Variants in NEXN observed in about 807,000 individuals in gnomAD.
The protein encoded by NEXN is nexilin F-actin binding protein.
In NEXN, 65 loss-of-function variants were observed where a neutral mutation model predicts 92.6. That is an observed-to-expected ratio of 0.70 (90% CI 0.57 to 0.86). The LOEUF is 0.86. Ranked by LOEUF, NEXN falls within the 40% of genes least tolerant of loss-of-function variation. The probability of loss-of-function intolerance (pLI) is 0.00; values close to 1 mark genes in which losing one functional copy is unlikely to be tolerated. For missense variants in NEXN, 778 were observed against 771.1 expected (o/e 1.01, Z -0.11); for synonymous variants, 254 against 242.5 (o/e 1.05, Z -0.44).
chr1:77,915,461 C>G (rs1324264513), intron 1 of NEXN, among the ~76,000 whole-genome samples: 1 of 152,026 alleles, frequency 6.6e-6, no homozygotes, highest in African/African-American at 2.4e-5. Context: ...AACCCCGTCT[C>G]TACTAAAAAT....
At chr1:77,930,654 GCT>G (rs140620115) in intron 9 of NEXN, among the ~76,000 whole-genome samples, 4,147 of 152,244 alleles carry the variant, frequency 0.027, 97 homozygotes, top group South Asian at 0.11. Context: ...TCCTGAATCT[GCT>G]CTTTGTTCCA....
In NEXN at chr1:77,942,281, TA is replaced by T. The variant is rs951788502; in HGVS notation, c.1659+80del. 2.8e-5 allele frequency: 43 copies of T among 1,514,060 alleles called. No homozygotes were observed. In the African/African-American group the frequency reaches 5.3e-4, roughly 19 times the overall value. The allele number at this position is 1,514,060 out of a possible 1,614,324, so 93.8% of individuals were successfully genotyped here. A position where few individuals can be genotyped will look rare whatever the true frequency, so the allele number is the denominator to read the frequency against. On this transcript the variant is annotated intron_variant, in intron 12 of 12. Coordinates refer to ENST00000334785, the MANE Select transcript of NEXN (RefSeq NM_144573.4). ...CCCATAGTTTTATAATTAGGTAGGTTAAAAAAATGTTTTAATGGTTTTCTTT... is the reference window on the plus strand; with the variant it reads ...CCCATAGTTTTATAATTAGGTAGGTTAAAAAATGTTTTAATGGTTTTCTTT...
intron 1 of NEXN, among the ~76,000 whole-genome samples, chr1:77,909,156 C>G (rs373915411): frequency 6.6e-6 from 1 of 152,272 alleles, no homozygotes; most frequent in South Asian, 2.1e-4. Context: ...CATGGTGGCT[C>G]ATGCCTGTAA....
intron 11 of NEXN, among the ~76,000 whole-genome samples, 156 bp downstream of exon 11, chr1:77,936,200 A>G (rs1194500001): frequency 2.0e-5 from 3 of 152,220 alleles, no homozygotes; most frequent in Non-Finnish European, 2.9e-5. Context: ...TGTAGATCTT[A>G]GACTTTGAAA....
At chr1:77,898,647 C>A (rs1251098018) in intron 1 of NEXN, among the ~76,000 whole-genome samples, 3 of 152,052 alleles carry the variant, frequency 2.0e-5, no homozygotes, top group South Asian at 4.1e-4. Flanking sequence ...CAACAAAAGC[C>A]AAAATTGACA....
At chr1:77,921,341 G>A (rs1322566501) in intron 5 of NEXN, among the ~76,000 whole-genome samples, 1 of 152,144 alleles carries the variant, frequency 6.6e-6, no homozygotes, top group African/African-American at 2.4e-5. Context: ...CCTGGGTTTG[G>A]GAAGGTTGTA....
intron 11 of NEXN, 81 bp from the exon 12 acceptor site, chr1:77,941,942 T>C: frequency 7.1e-7 from 1 of 1,401,658 alleles, no homozygotes. Flanking sequence ...CATTTTGTGC[T>C]TCTAAACACC....
chr1:77,926,663 TAGC>T (rs1303444124), intron 7 of NEXN, 50 bp from the exon 8 acceptor site: 33 of 1,613,758 alleles, frequency 2.0e-5, no homozygotes, highest in Admixed American at 3.3e-5. Context: ...CAGTTTAAGT[TAGC>T]AGCATTTTCC....
chr1:77,897,950 C>A (rs1647366488), intron 1 of NEXN, among the ~76,000 whole-genome samples: 1 of 152,082 alleles, frequency 6.6e-6, no homozygotes, highest in Non-Finnish European at 1.5e-5. Context: ...ATCCAACTTA[C>A]AAGGGAAGTG....
At position 77,935,906 on chromosome 1, in the gene NEXN, T is replaced by C; in HGVS notation, c.1335T>C (p.Ala445=). The part of the protein sequence containing the change: ...IKLKRSGSIQ[A]KNLKSKFEKI... ...TAAAAAGGAGTGGCTCTATTCAAGC[T>C]AAAAACCTAAAAAGCAAGTTTGAAA... The change falls in exon 11 of 13, where the codon GCT becomes GCC. Residue 445 remains alanine (A), a synonymous_variant. Transcript: ENST00000334785. 1.2e-6 allele frequency: 2 copies of C among 1,613,842 alleles called. No individual in the cohort carries two copies. Among genetic ancestry groups the C allele is most frequent in the East Asian group, 2.2e-5 (1 of 44,838 alleles).
chr1:77,923,918 C>T (rs556094937), intron 5 of NEXN, among the ~76,000 whole-genome samples: 5 of 151,814 alleles, frequency 3.3e-5, no homozygotes, highest in African/African-American at 7.2e-5. Context: ...CCTCGTGATC[C>T]GCCCGCCTCA....
At chr1:77,939,558 T>TTATACC (rs1329788801) in intron 11 of NEXN, among the ~76,000 whole-genome samples, 1 of 152,214 alleles carries the variant, frequency 6.6e-6, no homozygotes, top group Non-Finnish European at 1.5e-5. Context: ...ACCTTAGCAG[T>TTATACC]TATACCTATA....
rs752335967 is a variant in NEXN at position 77,942,852 on chromosome 1, TATTA to T, written c.*27_*30del. ...TAATCACTCTTTTTATCTTTTATTC[TATTA>T]ATTTTTTTTTCCTTAAAATCACTTT... On this transcript the variant is annotated 3_prime_UTR_variant, in exon 13 of 13. Transcript: ENST00000334785. 60 of 1,578,588 alleles carry T rather than the reference TATTA, an allele frequency of 3.8e-5. No individual in the cohort carries two copies. In the South Asian group the frequency reaches 5.6e-4, roughly 15 times the overall value.
chr1:77,941,793 T>C, intron 11 of NEXN: 1 of 519,342 alleles, frequency 1.9e-6, no homozygotes, highest in Non-Finnish European at 3.5e-6. Context: ...AGTGATATTG[T>C]GATCTTTACA....
chr1:77,905,586 G>A (rs1648054548), intron 1 of NEXN, among the ~76,000 whole-genome samples: 1 of 152,160 alleles, frequency 6.6e-6, no homozygotes, highest in African/African-American at 2.4e-5. Context: ...CACTCAGGAC[G>A]CTGAGGCAGG....
rs540856594 is a variant in NEXN, at chr1:77,892,326, G to A, written c.-53+3567G>A. Reference sequence around the variant, plus strand: ...TTAGTGTACCTGTCACCCAAATAGTGTACATTGTACCCAAAGGTTAACATT... The same window carrying A: ...TTAGTGTACCTGTCACCCAAATAGTATACATTGTACCCAAAGGTTAACATT... On this transcript the variant is annotated intron_variant, in intron 1 of 12. Coordinates refer to ENST00000334785, the MANE Select transcript of NEXN (RefSeq NM_144573.4). Among the ~76,000 whole-genome samples the A allele has an allele frequency of 7.0e-4, 107 of 152,132 alleles. 1 individual carries two copies. Among genetic ancestry groups the A allele is most frequent in the Non-Finnish European group, 3.5e-4 (24 of 67,980 alleles).
chr1:77,910,762 A>AAAAAC (rs1648512217), intron 1 of NEXN, among the ~76,000 whole-genome samples: 9 of 135,352 alleles, frequency 6.6e-5, no homozygotes, highest in South Asian at 2.3e-4. Context: ...AAAAAAAAAA[A>AAAAAC]AAAAAAAAAC....
chr1:77,923,160 ATTTTTTTT>A (rs763944057), intron 5 of NEXN, among the ~76,000 whole-genome samples: 3 of 124,376 alleles, frequency 2.4e-5, no homozygotes, highest in South Asian at 2.6e-4. Context: ...CACCCAGCTA[ATTTTTTTT>A]TTTTTTTTTT....
At chr1:77,927,155 A>G (rs982868342) in intron 8 of NEXN, among the ~76,000 whole-genome samples, 1 of 151,932 alleles carries the variant, frequency 6.6e-6, no homozygotes, top group African/African-American at 2.4e-5. Flanking sequence ...AATCCCTGTA[A>G]TCCCAGCTGC....
Sources: gnomAD v4.1 joint callset for allele counts (sites outside exome capture counted in the v4.1 genomes callset) on GRCh38, gnomAD v4.1.1 for gene constraint, MANE v1.5 for transcripts, NCBI Gene and HGNC (gene_info 2026-07-23, HGNC 2026-07-21) for gene names.